The following FAM13A variants were observed in gnomAD, a reference collection of about 807,000 sequenced individuals.
The protein encoded by FAM13A is family with sequence similarity 13 member A, also known as protein FAM13A.
Under a neutral mutation model 129.6 loss-of-function variants are expected in FAM13A, and 76 were observed. That is an observed-to-expected ratio of 0.59 (90% confidence interval 0.49 to 0.71). The LOEUF (loss-of-function observed/expected upper bound fraction) is 0.71, where lower values mean the gene tolerates loss of function less well. Among genes scored for constraint, FAM13A ranks in the 30% least tolerant of loss-of-function variants. The pLI is 0.00. For missense variants in FAM13A, 1,108 were observed against 1,249.3 expected (o/e 0.89, Z 1.70); for synonymous variants, 443 against 449.9 (o/e 0.98, Z 0.20).
At chr4:88,784,131 T>C (rs1005057612) in intron 10 of FAM13A, among the ~76,000 whole-genome samples, 20 of 152,244 alleles carry the variant, frequency 1.3e-4, no homozygotes, top group Admixed American at 1.1e-3. Context: ...GACCATGCTG[T>C]TGTGCTCATG....
At chr4:88,846,613 T>C (rs1736683490) in intron 7 of FAM13A, among the ~76,000 whole-genome samples, 1 of 152,256 alleles carries the variant, frequency 6.6e-6, no homozygotes, top group African/African-American at 2.4e-5. Context: ...AGTGACATTC[T>C]TGTTAAAGCA....
chr4:88,915,677 G>A (rs530673350), intron 5 of FAM13A, among the ~76,000 whole-genome samples: 1 of 152,290 alleles, frequency 6.6e-6, no homozygotes, highest in East Asian at 1.9e-4. Context: ...TCATTGTCAA[G>A]TGCTATGGTT....
intron 2 of FAM13A, among the ~76,000 whole-genome samples, chr4:89,023,150 T>C (rs1767496923): frequency 1.3e-5 from 2 of 152,238 alleles, no homozygotes; most frequent in African/African-American, 4.8e-5. Flanking sequence ...CCTTAAGTTC[T>C]GTGGAATATC....
chr4:88,913,766 C>T (rs1180991203), intron 5 of FAM13A, among the ~76,000 whole-genome samples: 2 of 152,186 alleles, frequency 1.3e-5, no homozygotes, highest in African/African-American at 4.8e-5. Flanking sequence ...CATTCACCTT[C>T]ATGGCTTTTA....
chr4:88,787,003 A>G (rs901612380), intron 10 of FAM13A, among the ~76,000 whole-genome samples: 1 of 152,214 alleles, frequency 6.6e-6, no homozygotes, highest in Non-Finnish European at 1.5e-5. Flanking sequence ...CATAGTCAAT[A>G]AAAATAACCT....
At chr4:88,903,306 CA>C (rs1340398115) in intron 6 of FAM13A, among the ~76,000 whole-genome samples, 2 of 152,080 alleles carry the variant, frequency 1.3e-5, no homozygotes, top group African/African-American at 4.8e-5. Flanking sequence ...GCAAAAAGAA[CA>C]AAGCTGGAGG....
At chr4:88,807,463 A>C (rs1357380217) in intron 7 of FAM13A, among the ~76,000 whole-genome samples, 1 of 152,240 alleles carries the variant, frequency 6.6e-6, no homozygotes, top group Non-Finnish European at 1.5e-5. Context: ...AAGCAGTCTC[A>C]GAGTGAGTAC....
chr4:88,948,694 G>A (rs1291704676), intron 4 of FAM13A, among the ~76,000 whole-genome samples: 1 of 151,958 alleles, frequency 6.6e-6, no homozygotes, highest in Non-Finnish European at 1.5e-5. Flanking sequence ...TCACCATGTT[G>A]GCCAGGCTGG....
At chr4:88,798,459 T>A (rs1041056717) in intron 8 of FAM13A, among the ~76,000 whole-genome samples, 1 of 152,094 alleles carries the variant, frequency 6.6e-6, no homozygotes, top group East Asian at 1.9e-4. Flanking sequence ...ACAACTCGGC[T>A]CTAGATGGTT....
Position 88,731,339 on chromosome 4 carries a change from C to T in FAM13A, c.2933G>A (p.Arg978Lys). 6.2e-7 allele frequency: 1 copy of T among 1,603,094 alleles called. No homozygotes were observed. The highest frequency in any genetic ancestry group is 8.5e-7 in the Non-Finnish European group (1 of 1,174,280). Residue 978 changes from arginine (R) to lysine (K), a missense_variant, in exon 23 of 24, where the codon AGA (arginine) becomes AAA (lysine). By Grantham distance (26) the Arg-to-Lys change is conservative (BLOSUM62 2). Transcript: ENST00000264344. ...AGACAGGCACTACCTTCCATTCTGT[C>T]TGAAAAAGTTGTCTTCAAAATCCCG... ...KLRDFEDNFFRQNGRNVQKED... is the reference protein window; with the variant it reads ...KLRDFEDNFFKQNGRNVQKED...
At chr4:88,748,222 C>G (rs140131708) in intron 17 of FAM13A, among the ~76,000 whole-genome samples, 1 of 152,206 alleles carries the variant, frequency 6.6e-6, no homozygotes, top group Non-Finnish European at 1.5e-5. Flanking sequence ...CTGCCCAACA[C>G]AAATTGTTTT....
At chr4:88,993,617 A>G (rs1447187741) in intron 3 of FAM13A, among the ~76,000 whole-genome samples, 1 of 152,240 alleles carries the variant, frequency 6.6e-6, no homozygotes. Context: ...GAAATACGAT[A>G]AACAATTTTT....
intron 4 of FAM13A, among the ~76,000 whole-genome samples, chr4:88,987,838 CAAAAAAA>C (rs1158179811): frequency 1.4e-5 from 1 of 71,188 alleles, no homozygotes; most frequent in African/African-American, 5.9e-5. Context: ...AGACTCCTCT[CAAAAAAA>C]AAAAAAAAAA....
intron 1 of FAM13A, among the ~76,000 whole-genome samples, chr4:89,031,029 T>G (rs1487051477): frequency 6.6e-6 from 1 of 152,138 alleles, no homozygotes; most frequent in Non-Finnish European, 1.5e-5. Flanking sequence ...CTATTAATAT[T>G]ATAAATAAGT....
intron 11 of FAM13A, among the ~76,000 whole-genome samples, chr4:88,770,442 A>C (rs1720441645): frequency 6.6e-6 from 1 of 152,218 alleles, no homozygotes; most frequent in African/African-American, 2.4e-5. Flanking sequence ...ATCACTTCAC[A>C]ACAGTGTCAA....
At chr4:88,900,862 A>G (rs1024763118) in intron 6 of FAM13A, among the ~76,000 whole-genome samples, 1 of 152,146 alleles carries the variant, frequency 6.6e-6, no homozygotes, top group Non-Finnish European at 1.5e-5. Context: ...CAAGCTGGAT[A>G]GAGTCAAGAC....
chr4:88,755,183 C>A (rs1743381138), intron 14 of FAM13A, among the ~76,000 whole-genome samples: 1 of 152,054 alleles, frequency 6.6e-6, no homozygotes, highest in Admixed American at 6.6e-5. Context: ...CTAGTAATAC[C>A]AATTCCTCTT....
chr4:88,940,934 G>A (rs1240207515), intron 4 of FAM13A, among the ~76,000 whole-genome samples: 1 of 152,188 alleles, frequency 6.6e-6, no homozygotes, highest in Non-Finnish European at 1.5e-5. Flanking sequence ...GAATCAAAGG[G>A]ACAGAGAGGA....
At chr4:88,811,601 G>C (rs3775383) in intron 7 of FAM13A, among the ~76,000 whole-genome samples, 24,879 of 138,652 alleles carry the variant, frequency 0.18, 2,657 homozygotes, top group East Asian at 0.45. Flanking sequence ...GTTCTTAAGT[G>C]GGGGGTGGGA....
Sources: gnomAD v4.1 joint callset for allele counts (sites outside exome capture counted in the v4.1 genomes callset) on GRCh38, gnomAD v4.1.1 for gene constraint, MANE v1.5 for transcripts, NCBI Gene and HGNC (gene_info 2026-07-23, HGNC 2026-07-21) for gene names.